AMMECR1: variants seen among roughly 807,000 people sequenced by gnomAD.
AMMECR1 encodes AMMECR nuclear protein 1, also known as nuclear protein AMMECR1.
AMMECR1 carries 3 observed loss-of-function variants against 22.5 expected under a neutral mutation model. The observed-to-expected ratio is 0.13, with a 90% CI of 0.06 to 0.35. The LOEUF is 0.35. Among genes scored for constraint, AMMECR1 ranks in the 10% least tolerant of loss-of-function variants. The pLI is 1.00. For synonymous variants in AMMECR1, 130 were observed against 116.7 expected (o/e 1.11, Z -0.74); for missense variants, 235 against 278.7 (o/e 0.84, Z 1.12).
At chrX:110,324,852 T>C (rs2068092111) in intron 2 of AMMECR1, among the ~76,000 whole-genome samples, 1 of 110,987 alleles carries the variant, frequency 9.0e-6, no homozygotes, top group African/African-American at 3.3e-5. Context: ...CACTTCATCA[T>C]GGTATATAAT....
intron 2 of AMMECR1, among the ~76,000 whole-genome samples, chrX:110,405,868 G>A (rs145472533): frequency 9.0e-6 from 1 of 111,600 alleles, no homozygotes; most frequent in African/African-American, 3.3e-5. Context: ...GCAAGTCCTT[G>A]TAAAGTCAAA....
At chrX:110,380,259 A>G (rs932462064) in intron 2 of AMMECR1, among the ~76,000 whole-genome samples, 1 of 112,195 alleles carries the variant, frequency 8.9e-6, no homozygotes, top group Non-Finnish European at 1.9e-5. Flanking sequence ...ACTTCCTTCC[A>G]TTGTCCTGAA....
intron 2 of AMMECR1, among the ~76,000 whole-genome samples, chrX:110,231,209 C>A (rs1039347045): frequency 2.7e-5 from 3 of 111,584 alleles, no homozygotes; most frequent in Admixed American, 9.5e-5. Context: ...AGAAGAGCAA[C>A]CCCAAGACAC....
intron 2 of AMMECR1, among the ~76,000 whole-genome samples, chrX:110,223,484 T>G (rs1455147278): frequency 8.9e-6 from 1 of 112,064 alleles, no homozygotes; most frequent in Non-Finnish European, 1.9e-5. Context: ...TTGGAAAAGA[T>G]TACGATATGA....
chrX:110,201,316 G>A (rs1403212400), intron 4 of AMMECR1, among the ~76,000 whole-genome samples: 2 of 111,569 alleles, frequency 1.8e-5, no homozygotes, highest in African/African-American at 6.5e-5. Flanking sequence ...GGGGTCTAAG[G>A]GGCTGGCAGA....
At chrX:110,351,750 T>C (rs1012509898) in intron 2 of AMMECR1, among the ~76,000 whole-genome samples, 2 of 111,960 alleles carry the variant, frequency 1.8e-5, no homozygotes, top group Non-Finnish European at 3.8e-5. Flanking sequence ...ACTGACTAAA[T>C]CTTAATTAAA....
At chrX:110,277,767 A>T (rs1404165991) in intron 1 of AMMECR1, among the ~76,000 whole-genome samples, 1 of 111,644 alleles carries the variant, frequency 9.0e-6, no homozygotes, top group Non-Finnish European at 1.9e-5. Flanking sequence ...CAAAGTAATG[A>T]AATTTAAAAG....
chrX:110,273,254 T>C (rs1214320948), intron 1 of AMMECR1, among the ~76,000 whole-genome samples: 1 of 111,900 alleles, frequency 8.9e-6, no homozygotes, highest in East Asian at 2.8e-4. Flanking sequence ...TGCATGAAGA[T>C]TCGCGATGTT....
At chrX:110,321,446 T>C (rs1158944821), upstream of AMMECR1, among the ~76,000 whole-genome samples, 3 of 111,375 alleles carry the variant, frequency 2.7e-5, no homozygotes, top group Non-Finnish European at 5.7e-5. Context: ...CAGCTCTAAA[T>C]TGCTGTTAAC....
rs1191773286 is a variant in AMMECR1 at position 110,399,274 on chromosome X, AG to A, written c.-148+27383del. Among the ~76,000 whole-genome samples, 3 of 112,579 alleles carry A rather than the reference AG, an allele frequency of 2.7e-5. No individual in the cohort carries two copies. The Admixed American group carries it at 2.8e-4, about 11-fold the overall frequency. ...GGTAGGCACATTCAACCCCAAACTT[AG>A]AAATGCAGAAGCCTAGGCTCAGTGA... On this transcript the variant is annotated intron_variant, in intron 2 of 7. Coordinates refer to the AMMECR1 transcript ENST00000372057.
chrX:110,305,751 C>T (rs149867884), intron 1 of AMMECR1, among the ~76,000 whole-genome samples: 1,121 of 111,081 alleles, frequency 0.01, 9 homozygotes, highest in Middle Eastern at 0.028. Flanking sequence ...TCCCATTATG[C>T]AATTTATCTT....
chrX:110,262,389 G>A (rs773476785), intron 2 of AMMECR1, among the ~76,000 whole-genome samples: 5 of 111,986 alleles, frequency 4.5e-5, no homozygotes, highest in Non-Finnish European at 9.4e-5. Context: ...ATTTGAGGAA[G>A]CTGTATAGAA....
chrX:110,420,836 G>A (rs1208907238), intron 2 of AMMECR1, among the ~76,000 whole-genome samples: 1 of 111,423 alleles, frequency 9.0e-6, no homozygotes, highest in African/African-American at 3.3e-5. Context: ...AATGGCAGGA[G>A]TTTTGGCTCG....
chrX:110,342,432 C>T (rs763276695), intron 2 of AMMECR1, among the ~76,000 whole-genome samples: 5 of 110,897 alleles, frequency 4.5e-5, no homozygotes, highest in Non-Finnish European at 9.5e-5. Context: ...GTGCAGTGGC[C>T]GCAATCTCAG....
intron 2 of AMMECR1, among the ~76,000 whole-genome samples, chrX:110,344,258 T>C (rs2068178237): frequency 1.8e-5 from 2 of 112,144 alleles, no homozygotes; most frequent in African/African-American, 6.5e-5. Flanking sequence ...ATTCCGTATT[T>C]AACAAATGGT....
At chrX:110,321,104 T>A (rs946331868), upstream of AMMECR1, among the ~76,000 whole-genome samples, 3 of 111,948 alleles carry the variant, frequency 2.7e-5, no homozygotes, top group African/African-American at 9.8e-5. Context: ...AAACATAAAC[T>A]AAATCCACAG....
rs537575984 is a variant in AMMECR1, at chrX:110,207,964, G to A, written c.700-5428C>T. Among the ~76,000 whole-genome samples, 24 of 111,253 alleles carry A rather than the reference G, an allele frequency of 2.2e-4. No homozygotes were observed. The South Asian group carries it at 9.1e-3, about 42-fold the overall frequency. On this transcript the variant is annotated intron_variant, in intron 3 of 5. Coordinates refer to ENST00000262844, the MANE Select transcript of AMMECR1 (RefSeq NM_015365.3). ...AGCCTCGACAACAGAGCAAGACTCT[G>A]TCTCTAAAAAACAAACAAACAAACA...
chrX:110,371,682 C>T (rs761388834), intron 2 of AMMECR1, among the ~76,000 whole-genome samples: 63 of 111,290 alleles, frequency 5.7e-4, no homozygotes, highest in Admixed American at 1.9e-3. Flanking sequence ...TCCTGGCTCC[C>T]TCTTTATGGA....
chrX:110,341,389 C>T (rs967035566), intron 2 of AMMECR1, among the ~76,000 whole-genome samples: 2 of 112,520 alleles, frequency 1.8e-5, no homozygotes, highest in East Asian at 2.8e-4. Flanking sequence ...ATAGTAATCC[C>T]CCTTTATACA....
Sources: allele counts gnomAD v4.1 joint callset (sites outside exome capture counted in the v4.1 genomes callset), GRCh38; gene constraint gnomAD v4.1.1; transcripts MANE v1.5; gene names NCBI Gene and HGNC (gene_info 2026-07-23, HGNC 2026-07-21).